The following SLC6A11 variants were observed in gnomAD, a reference collection of about 807,000 sequenced individuals.
SLC6A11 encodes sodium- and chloride-dependent GABA transporter 3.
Under a neutral mutation model 74.8 loss-of-function variants are expected in SLC6A11, and 25 were observed. The ratio of observed to expected loss-of-function variants is 0.33; its 90% CI spans 0.24 to 0.47. The LOEUF (loss-of-function observed/expected upper bound fraction) is 0.47, where lower values mean the gene tolerates loss of function less well. Ranked by LOEUF, SLC6A11 falls within the 20% of genes least tolerant of loss-of-function variation. SLC6A11 has a pLI of 1.00. For synonymous variants in SLC6A11, 330 were observed against 330.2 expected (o/e 1.00, Z 0.01); for missense variants, 574 against 837.0 (o/e 0.69, Z 3.88).
intron 9 of SLC6A11, among the ~76,000 whole-genome samples, chr3:10,927,640 C>G (rs1695626887): frequency 6.6e-6 from 1 of 152,190 alleles, no homozygotes; most frequent in Admixed American, 6.5e-5. Context: ...TTCCCTAGGA[C>G]CTGGAGAAAG....
intron 4 of SLC6A11, among the ~76,000 whole-genome samples, chr3:10,838,712 G>A (rs1162330015): frequency 1.3e-5 from 2 of 152,118 alleles, no homozygotes; most frequent in East Asian, 1.9e-4. Context: ...TTGTACCACT[G>A]CACCCCAGCC....
intron 4 of SLC6A11, among the ~76,000 whole-genome samples, chr3:10,839,053 C>T (rs914060857): frequency 2.6e-5 from 4 of 152,152 alleles, no homozygotes; most frequent in Non-Finnish European, 5.9e-5. Context: ...GATGGCCTAA[C>T]ACCTCCACCT....
At chr3:10,852,384 A>G (rs868642979) in intron 5 of SLC6A11, among the ~76,000 whole-genome samples, 2 of 152,252 alleles carry the variant, frequency 1.3e-5, no homozygotes, top group Non-Finnish European at 2.9e-5. Context: ...TGTGACTTTA[A>G]GTCAAAGGAG....
At chr3:10,895,499 C>T (rs187071228) in intron 6 of SLC6A11, among the ~76,000 whole-genome samples, 3 of 152,252 alleles carry the variant, frequency 2.0e-5, no homozygotes, top group Admixed American at 2.0e-4. Flanking sequence ...AACACAGGGA[C>T]AGAAAACCAA....
intron 8 of SLC6A11, among the ~76,000 whole-genome samples, chr3:10,920,042 T>A (rs934171230): frequency 6.6e-6 from 1 of 152,214 alleles, no homozygotes; most frequent in African/African-American, 2.4e-5. Context: ...GGAGGGATCA[T>A]TGCCTTCTCA....
In SLC6A11 at chr3:10,819,866, G is replaced by C; in HGVS notation, c.532+14G>C. 6.2e-7 allele frequency: 1 copy of C among 1,612,866 alleles called. No individual in the cohort carries two copies. The highest frequency in any genetic ancestry group is 8.5e-7 in the Non-Finnish European group (1 of 1,179,438). ...AGTGGAACACAGGTATGGCCCCACGGAGGTCTCTCTGCTGGTCCTGCTGGG... is the reference window on the plus strand; with the variant it reads ...AGTGGAACACAGGTATGGCCCCACGCAGGTCTCTCTGCTGGTCCTGCTGGG... On this transcript the variant is annotated intron_variant, in intron 3 of 13. Coordinates refer to ENST00000254488, the MANE Select transcript of SLC6A11 (RefSeq NM_014229.3).
chr3:10,873,257 T>C (rs1694848059), intron 5 of SLC6A11, among the ~76,000 whole-genome samples: 1 of 152,190 alleles, frequency 6.6e-6, no homozygotes, highest in Non-Finnish European at 1.5e-5. Flanking sequence ...CTCGGGTTCA[T>C]TGGGTCCAAT....
chr3:10,820,871 C>T (rs1417609136), intron 3 of SLC6A11, among the ~76,000 whole-genome samples: 5 of 152,152 alleles, frequency 3.3e-5, no homozygotes, highest in African/African-American at 1.2e-4. Flanking sequence ...TGTATGATAA[C>T]CTGTGTTTAG....
At chr3:10,935,798 C>T (rs1435620043) in intron 13 of SLC6A11, among the ~76,000 whole-genome samples, 2 of 152,212 alleles carry the variant, frequency 1.3e-5, no homozygotes, top group Non-Finnish European at 2.9e-5. Context: ...TTCAGCCATA[C>T]AGTTACACAA....
intron 5 of SLC6A11, among the ~76,000 whole-genome samples, chr3:10,862,061 T>C (rs1226639419): frequency 6.6e-6 from 1 of 152,134 alleles, no homozygotes; most frequent in Non-Finnish European, 1.5e-5. Context: ...ATCCCAAGTG[T>C]GTTTAAGGGA....
chr3:10,853,988 C>T (rs561194549), intron 5 of SLC6A11, among the ~76,000 whole-genome samples: 7 of 152,356 alleles, frequency 4.6e-5, no homozygotes, highest in South Asian at 2.1e-4. Context: ...TCCTTCTGTA[C>T]GGCTTTCATT....
chr3:10,871,473 C>T (rs1213375870), intron 5 of SLC6A11, among the ~76,000 whole-genome samples: 1 of 151,900 alleles, frequency 6.6e-6, no homozygotes, highest in Non-Finnish European at 1.5e-5. Context: ...GTGGAAATTA[C>T]TAAATGAAAG....
At chr3:10,823,121 A>G (rs1291335517) in intron 3 of SLC6A11, among the ~76,000 whole-genome samples, 181 bp from the exon 4 acceptor site, 1 of 152,190 alleles carries the variant, frequency 6.6e-6, no homozygotes, top group African/African-American at 2.4e-5. Flanking sequence ...CTCCTGTTCT[A>G]ATCAGTCCAA....
At chr3:10,850,722 G>A (rs374938447) in intron 5 of SLC6A11, among the ~76,000 whole-genome samples, 15 of 152,176 alleles carry the variant, frequency 9.9e-5, no homozygotes, top group Non-Finnish European at 1.9e-4. Context: ...GGGGTCAGGC[G>A]TCATCGAATT....
chr3:10,901,629 A>T (rs971880411), intron 6 of SLC6A11, among the ~76,000 whole-genome samples: 1 of 152,206 alleles, frequency 6.6e-6, no homozygotes, highest in African/African-American at 2.4e-5. Flanking sequence ...CCTGCCCAGC[A>T]CATTAGCATT....
chr3:10,911,470 A>AG (rs924350784), intron 6 of SLC6A11, among the ~76,000 whole-genome samples: 4 of 152,090 alleles, frequency 2.6e-5, no homozygotes, highest in Non-Finnish European at 4.4e-5. Context: ...GGAAGCCTAG[A>AG]GGGGGGGAGT....
intron 5 of SLC6A11, among the ~76,000 whole-genome samples, chr3:10,866,663 C>T (rs1167899579): frequency 1.3e-5 from 2 of 152,208 alleles, no homozygotes; most frequent in African/African-American, 4.8e-5. Context: ...ATGGAAATAC[C>T]ACTGCATTGT....
chr3:10,928,606 G>A (rs1047020342), intron 9 of SLC6A11, among the ~76,000 whole-genome samples: 1 of 152,116 alleles, frequency 6.6e-6, no homozygotes, highest in South Asian at 2.1e-4. Flanking sequence ...TGCCTGCATC[G>A]TTTGGCTGGG....
At chr3:10,842,230 C>A (rs891985878) in intron 4 of SLC6A11, among the ~76,000 whole-genome samples, 6 of 152,180 alleles carry the variant, frequency 3.9e-5, no homozygotes, top group Non-Finnish European at 8.8e-5. Flanking sequence ...CTCCAAAACA[C>A]AAGTTTAAAA....
Sources: allele counts gnomAD v4.1 joint callset (sites outside exome capture counted in the v4.1 genomes callset), GRCh38; gene constraint gnomAD v4.1.1; transcripts MANE v1.5; gene names NCBI Gene and HGNC (gene_info 2026-07-23, HGNC 2026-07-21).